ART3: variants seen among roughly 807,000 people sequenced by gnomAD.
ART3 encodes ADP-ribosyltransferase 3 (inactive).
Under a neutral mutation model 48.5 loss-of-function variants are expected in ART3, and 49 were observed. The observed-to-expected ratio is 1.01, with a 90% confidence interval of 0.80 to 1.28. The LOEUF is 1.28. Among genes scored for constraint, ART3 ranks in the 50% most tolerant of loss-of-function variants. The pLI is 0.00. For missense variants in ART3, 438 were observed against 454.3 expected (o/e 0.96, Z 0.33); for synonymous variants, 145 against 157.2 (o/e 0.92, Z 0.58).
intron 3 of ART3, among the ~76,000 whole-genome samples, chr4:76,083,874 A>G (rs1489156086): frequency 2.6e-5 from 4 of 152,174 alleles, no homozygotes; most frequent in Non-Finnish European, 4.4e-5. Context: ...GGGAATTAGA[A>G]ATGGCTGTTA....
At chr4:76,077,002 G>A (rs1361489204) in intron 2 of ART3, among the ~76,000 whole-genome samples, 2 of 151,830 alleles carry the variant, frequency 1.3e-5, no homozygotes, top group African/African-American at 4.8e-5. Flanking sequence ...CCTGTTTCCT[G>A]TGTCGCAGTA....
intron 3 of ART3, among the ~76,000 whole-genome samples, chr4:76,095,098 A>G (rs1379273600): frequency 2.0e-5 from 3 of 152,094 alleles, no homozygotes; most frequent in Non-Finnish European, 4.4e-5. Flanking sequence ...TAACCCTGCT[A>G]TTTCTTTAGA....
chr4:76,026,754 A>C (rs112462038), intron 1 of ART3, among the ~76,000 whole-genome samples: 4 of 152,266 alleles, frequency 2.6e-5, no homozygotes, highest in African/African-American at 9.6e-5. Flanking sequence ...AAATATCCTC[A>C]GTGCATATCA....
At chr4:76,041,944 TCAGATA>T (rs1280384974) in intron 1 of ART3, among the ~76,000 whole-genome samples, 2 of 152,228 alleles carry the variant, frequency 1.3e-5, no homozygotes, top group African/African-American at 2.4e-5. Flanking sequence ...GCAAAAAAGA[TCAGATA>T]CATTCTCTGT....
intron 3 of ART3, among the ~76,000 whole-genome samples, chr4:76,094,616 C>T (rs1032089021): frequency 6.6e-6 from 1 of 152,210 alleles, no homozygotes; most frequent in African/African-American, 2.4e-5. Context: ...ACTGCTGAGG[C>T]TGTACCCTTC....
At chr4:76,021,643 T>C (rs2149371564) in intron 1 of ART3, 1 of 379,890 alleles carries the variant, frequency 2.6e-6, no homozygotes, top group Non-Finnish European at 4.7e-6. Context: ...GAGGGAAATA[T>C]TTGAAGCAGG....
chr4:76,098,504 TA>T (rs1726529278), intron 4 of ART3, among the ~76,000 whole-genome samples: 1 of 152,130 alleles, frequency 6.6e-6, no homozygotes, highest in Non-Finnish European at 1.5e-5. Flanking sequence ...TCATGTAACT[TA>T]AATGAATCCA....
Position 76,067,354 on chromosome 4 carries a change from G to C in ART3, c.-9-8527G>C, listed in dbSNP as rs565642759. ...CCAAGGGCAAAGGAGTGCATCTTGAGTTTGTGGGAGGCCCACCGAACAGGG... is the reference window on the plus strand; with the variant it reads ...CCAAGGGCAAAGGAGTGCATCTTGACTTTGTGGGAGGCCCACCGAACAGGG... On this transcript the variant is annotated intron_variant, in intron 1 of 9. Transcript: ENST00000341029. 4.1e-4 allele frequency among the ~76,000 whole-genome samples: 63 copies of C among 152,322 alleles called. No homozygotes were observed. The South Asian group carries it at 9.3e-3, about 23-fold the overall frequency.
intron 3 of ART3, among the ~76,000 whole-genome samples, chr4:76,094,901 T>C (rs1578544251): frequency 6.6e-6 from 1 of 152,222 alleles, no homozygotes; most frequent in Admixed American, 6.5e-5. Flanking sequence ...TACTTAAGGG[T>C]TGGTAAGTTA....
At chr4:76,065,346 A>G (rs4859416) in intron 1 of ART3, among the ~76,000 whole-genome samples, 89,100 of 151,944 alleles carry the variant, frequency 0.59, 26,993 homozygotes, top group East Asian at 0.94. Flanking sequence ...ATTCATTTCC[A>G]AACCTGTTCA....
At chr4:76,086,154 G>A (rs1399528782) in intron 3 of ART3, among the ~76,000 whole-genome samples, 8 of 149,700 alleles carry the variant, frequency 5.3e-5, no homozygotes, top group Non-Finnish European at 8.9e-5. Context: ...TGAAATCACC[G>A]CCTCATAAAG....
At chr4:76,022,756 A>G in intron 1 of ART3, 1 of 1,613,636 alleles carries the variant, frequency 6.2e-7, no homozygotes, top group Non-Finnish European at 8.5e-7. Flanking sequence ...AAGACCTTGG[A>G]TTAACAGGTT....
intron 1 of ART3, chr4:76,022,298 A>T (rs561249101): frequency 7.8e-7 from 1 of 1,279,152 alleles, no homozygotes; most frequent in Admixed American, 1.7e-5. Context: ...CCACAATGCA[A>T]GTATTTCTGA....
chr4:76,026,879 G>A (rs6532093), intron 1 of ART3, among the ~76,000 whole-genome samples: 93,061 of 152,144 alleles, frequency 0.61, 29,541 homozygotes, highest in East Asian at 0.94. Flanking sequence ...TAGAAGGGTT[G>A]AGATCCAATA....
At chr4:76,105,451 A>C in intron 10 of ART3, 2 of 1,249,826 alleles carry the variant, frequency 1.6e-6, no homozygotes, top group South Asian at 2.7e-5. Flanking sequence ...ACCTAGCAAA[A>C]TGAATGGTGG....
chr4:76,071,656 T>C (rs1288070053), upstream of ART3, among the ~76,000 whole-genome samples: 5 of 152,220 alleles, frequency 3.3e-5, no homozygotes, highest in Non-Finnish European at 7.3e-5. Flanking sequence ...TTACTTGACC[T>C]ATCAGAAGCT....
chr4:76,027,566 G>T (rs561036459), intron 1 of ART3, among the ~76,000 whole-genome samples: 1 of 106,614 alleles, frequency 9.4e-6, no homozygotes, highest in South Asian at 3.1e-4. Context: ...TATAAAATCT[G>T]GTCCTCAGTT....
chr4:76,105,950 C>T, intron 10 of ART3: 1 of 984,768 alleles, frequency 1.0e-6, no homozygotes, highest in Non-Finnish European at 1.2e-6. Context: ...CTCCTCACCA[C>T]ACTCTACAAT....
intron 10 of ART3, chr4:76,105,476 A>G (rs1728265128): frequency 7.8e-7 from 1 of 1,283,292 alleles, no homozygotes; most frequent in Admixed American, 2.3e-5. Context: ...ATAGTAGTAA[A>G]TGGTAGCTGC....
Sources: gnomAD v4.1 joint callset for allele counts (sites outside exome capture counted in the v4.1 genomes callset) on GRCh38, gnomAD v4.1.1 for gene constraint, MANE v1.5 for transcripts, NCBI Gene and HGNC (gene_info 2026-07-23, HGNC 2026-07-21) for gene names.